FAH: variants seen among roughly 807,000 people sequenced by gnomAD.
FAH encodes fumarylacetoacetate hydrolase, also known as fumarylacetoacetase.
A neutral mutation model predicts 55.8 loss-of-function variants in FAH; 47 were observed. That is an observed-to-expected ratio of 0.84 (90% CI 0.67 to 1.07). FAH has a LOEUF of 1.07. Ranked by LOEUF, FAH falls within the 50% of genes least tolerant of loss-of-function variation. The pLI, the probability that FAH is intolerant of heterozygous loss-of-function variation, is 0.00. For missense variants in FAH, 495 were observed against 545.9 expected, an observed-to-expected ratio of 0.91 and a Z score of 0.93; for synonymous variants, 199 against 207.7, an observed-to-expected ratio of 0.96 and a Z score of 0.36.
At chr15:80,185,629 CA>C (rs2041363889) in intron 13 of FAH, among the ~76,000 whole-genome samples, 1 of 152,094 alleles carries the variant, frequency 6.6e-6, no homozygotes, top group South Asian at 2.1e-4. Flanking sequence ...TAGTGGAAGG[CA>C]AAAGGCATGT....
At chr15:80,175,398 GGCTCCT>G (rs1429061920) in intron 10 of FAH, among the ~76,000 whole-genome samples, 1 of 152,116 alleles carries the variant, frequency 6.6e-6, no homozygotes, top group Admixed American at 6.5e-5. Context: ...GGGGCTGCCT[GGCTCCT>G]GCTCACATAT....
Position 80,153,001 on chromosome 15 carries a change from T to C in FAH, c.-54T>C. ...GCCTGACCACAGCGGCCGAGTTCAG[T>C]CCTGCTCTCCGCACGCCACCTTAGG... On this transcript the variant is annotated 5_prime_UTR_variant, in exon 1 of 14. Transcript: ENST00000561421. 1 of 1,525,632 alleles carries C rather than the reference T, an allele frequency of 6.6e-7. No homozygotes were observed. Among genetic ancestry groups the C allele is most frequent in the Non-Finnish European group, 9.0e-7 (1 of 1,106,730 alleles). The allele number at this position is 1,525,632 out of a possible 1,614,324, so 94.5% of individuals were successfully genotyped here. A position where few individuals can be genotyped will look rare whatever the true frequency, so the allele number is the denominator to read the frequency against.
intron 5 of FAH, chr15:80,162,670 C>T: frequency 2.6e-6 from 1 of 389,562 alleles, no homozygotes; most frequent in Non-Finnish European, 4.9e-6. Flanking sequence ...CTCTAGCATG[C>T]TCCATACTTA....
At chr15:80,185,998 ATG>A (rs1437662158) in intron 13 of FAH, 130 bp from the exon 14 acceptor site, 2 of 763,742 alleles carry the variant, frequency 2.6e-6, no homozygotes, top group African/African-American at 1.7e-5. Flanking sequence ...TGTTTAAGAT[ATG>A]TGTGTGTGAT....
chr15:80,158,530 G>A (rs1197223360), intron 2 of FAH, among the ~76,000 whole-genome samples: 1 of 152,238 alleles, frequency 6.6e-6, no homozygotes, highest in Non-Finnish European at 1.5e-5. Context: ...GCCCCCAAGG[G>A]AGGGAGCTAC....
upstream of FAH, chr15:80,152,828 T>G: frequency 2.6e-6 from 1 of 381,442 alleles, no homozygotes; most frequent in East Asian, 4.3e-5. Context: ...GACCTGGAGC[T>G]GGCGGGGGTC....
At chr15:80,179,974 AAG>A in intron 11 of FAH, 148 bp from the exon 12 acceptor site, 1 of 688,280 alleles carries the variant, frequency 1.5e-6, no homozygotes, top group African/African-American at 1.8e-5. Context: ...TCCTTACTAT[AAG>A]GGACTGGAGA....
At chr15:80,157,838 C>G in intron 1 of FAH, 1 of 589,284 alleles carries the variant, frequency 1.7e-6, no homozygotes, top group East Asian at 2.9e-5. Flanking sequence ...GATTTCTTTC[C>G]CATTCAGGGA....
In FAH at chr15:80,175,088, A is replaced by C; in HGVS notation, c.910A>C (p.Lys304Gln). The change falls in exon 10 of 14, where the codon AAA (lysine) becomes CAA (glutamine). Residue 304 changes from lysine to glutamine, a missense_variant. By Grantham distance (53) the Lys-to-Gln change is moderately conservative. Transcript: ENST00000561421. ...TGACATCAACCTCTCTGTTAACCTG[A>C]AAGGTATGTTGTAGGGGGACTGACA... ...TFDINLSVNL[K>Q]GEGMSQAATI... The C allele has an allele frequency of 6.2e-7, 1 of 1,613,812 alleles. No homozygotes were observed. The highest frequency in any genetic ancestry group is 8.5e-7 in the Non-Finnish European group (1 of 1,179,720).
At position 80,157,622 on chromosome 15, in the gene FAH, G is replaced by T. The variant is rs112704674; in HGVS notation, c.82-438G>T. 1,848 of 291,524 alleles carry T rather than the reference G, an allele frequency of 6.3e-3. 29 individuals are homozygous for T. Among genetic ancestry groups the T allele is most frequent in the African/African-American group, 0.037 (1,731 of 46,228 alleles). 18.1% of individuals were successfully genotyped at this position (291,524 alleles called of 1,614,324 possible). A position where few individuals can be genotyped will look rare whatever the true frequency, so the allele number is the denominator to read the frequency against. ...AGCCACCTGGCCCTCAGCACTGTGT[G>T]TTGGGCACTCATGCTCCACCGCACA... On this transcript the variant is annotated intron_variant, in intron 1 of 13. Transcript: ENST00000561421.
chr15:80,158,538 T>C (rs2041119765), intron 2 of FAH, among the ~76,000 whole-genome samples: 1 of 152,200 alleles, frequency 6.6e-6, no homozygotes, highest in East Asian at 1.9e-4. Context: ...GGGAGGGAGC[T>C]ACGAGCCCAG....
chr15:80,158,207 T>A, intron 2 of FAH, 37 bp downstream of exon 2: 1 of 1,388,670 alleles, frequency 7.2e-7, no homozygotes, highest in South Asian at 1.2e-5. Flanking sequence ...CTGACCTCAG[T>A]GGCACTTACT....
rs1471482380 is a variant in FAH at position 80,180,047 on chromosome 15, A to G, written c.961-77A>G. On this transcript the variant is annotated intron_variant, in intron 11 of 13. Transcript: ENST00000561421. Reference sequence around the variant, plus strand: ...CAGGGAAGGCGGTCGTGAGCAGGGCAGGCTGTGCCCAGCTGCCTCCGGGAT... The same window carrying G: ...CAGGGAAGGCGGTCGTGAGCAGGGCGGGCTGTGCCCAGCTGCCTCCGGGAT... The G allele has an allele frequency of 1.1e-5, 10 of 913,444 alleles. No homozygotes were observed. In the African/African-American group the frequency reaches 1.4e-4, roughly 12 times the overall value. The allele number at this position is 913,444 out of a possible 1,614,324, so 56.6% of individuals were successfully genotyped here.
chr15:80,164,184 G>T (rs2041172647), intron 5 of FAH, among the ~76,000 whole-genome samples: 1 of 152,198 alleles, frequency 6.6e-6, no homozygotes, highest in Non-Finnish European at 1.5e-5. Context: ...TAAAGTCAAG[G>T]TGTCAGCAGG....
intron 5 of FAH, among the ~76,000 whole-genome samples, 170 bp from the exon 6 acceptor site, chr15:80,167,882 A>G (rs2041206978): frequency 6.6e-6 from 1 of 152,062 alleles, no homozygotes; most frequent in Admixed American, 6.6e-5. Context: ...GTATGTATGT[A>G]CCACAGTTTG....
At chr15:80,177,761 C>T (rs1423889049) in intron 11 of FAH, among the ~76,000 whole-genome samples, 178 bp downstream of exon 11, 2 of 152,124 alleles carry the variant, frequency 1.3e-5, no homozygotes, top group African/African-American at 2.4e-5. Context: ...AGAGTTCTCT[C>T]GAGATAGAGG....
chr15:80,160,902 CAG>C (rs1272775317), intron 4 of FAH, among the ~76,000 whole-genome samples: 1 of 152,180 alleles, frequency 6.6e-6, no homozygotes, highest in African/African-American at 2.4e-5. Flanking sequence ...CAACCTGAAG[CAG>C]AGAGAGAGGC....
intron 9 of FAH, chr15:80,173,609 C>A: frequency 3.3e-6 from 1 of 300,586 alleles, no homozygotes; most frequent in Non-Finnish European, 6.5e-6. Context: ...GGGTCTAGGC[C>A]TTGACCCCTG....
chr15:80,174,224 C>A (rs573550698), intron 9 of FAH, among the ~76,000 whole-genome samples: 1 of 152,186 alleles, frequency 6.6e-6, no homozygotes, highest in Admixed American at 6.5e-5. Context: ...AAGGCCACAG[C>A]CTCTCTTTGC....
Sources: allele counts gnomAD v4.1 joint callset (sites outside exome capture counted in the v4.1 genomes callset), GRCh38; gene constraint gnomAD v4.1.1; transcripts MANE v1.5; gene names NCBI Gene and HGNC (gene_info 2026-07-23, HGNC 2026-07-21).